Variants in OXSR1 observed in about 807,000 individuals in gnomAD.
The protein encoded by OXSR1 is oxidative stress responsive kinase 1, also known as serine/threonine-protein kinase OSR1.
A neutral mutation model predicts 79.8 loss-of-function variants in OXSR1; 24 were observed. The observed-to-expected ratio is 0.30, with a 90% confidence interval of 0.22 to 0.42. OXSR1 has a LOEUF of 0.42. OXSR1 is among the 10% of genes least tolerant of loss of function. OXSR1 has a pLI of 1.00. For missense variants in OXSR1, 430 were observed against 618.4 expected (o/e 0.70, Z 3.23); for synonymous variants, 226 against 209.2 (o/e 1.08, Z -0.69).
At chr3:38,210,276 C>G (rs982190698) in intron 4 of OXSR1, among the ~76,000 whole-genome samples, 7 of 152,216 alleles carry the variant, frequency 4.6e-5, no homozygotes, top group Non-Finnish European at 7.4e-5. Flanking sequence ...TCAGTTCCCC[C>G]CCAAGGTGAG....
chr3:38,222,654 T>C (rs371817267), intron 6 of OXSR1, among the ~76,000 whole-genome samples: 1 of 152,156 alleles, frequency 6.6e-6, no homozygotes, highest in African/African-American at 2.4e-5. Flanking sequence ...TTTATAACCA[T>C]GTAATGTGCT....
chr3:38,245,460 ATTGTCT>A lies in OXSR1; in HGVS notation c.1111-610_1111-605del, dbSNP rs1282936835. 3.9e-5 allele frequency among the ~76,000 whole-genome samples: 6 copies of A among 152,286 alleles called. No homozygotes were observed. In the South Asian group the frequency reaches 6.2e-4, roughly 16 times the overall value. ...AGATATGTTAAGGAATTATTGGTTG[ATTGTCT>A]TTGTAAGAAATACAAAGTCCTCATG... On this transcript the variant is annotated intron_variant, in intron 12 of 17. Coordinates refer to ENST00000311806, the MANE Select transcript of OXSR1 (RefSeq NM_005109.3).
At position 38,224,878 on chromosome 3, in the gene OXSR1, G is replaced by A. The variant is rs553837690; in HGVS notation, c.836+174G>A. On this transcript the variant is annotated intron_variant, in intron 8 of 17. Transcript: ENST00000311806. ...AAATGAATTGATTTCTGCCTTCTTT[G>A]TAGTATACAGTGTACCCTAAATAGT... 4.3e-5 allele frequency: 21 copies of A among 484,764 alleles called. No individual in the cohort carries two copies. In the East Asian group the frequency reaches 8.2e-4, roughly 19 times the overall value. The allele number at this position is 484,764 out of a possible 1,614,324, so 30.0% of individuals were successfully genotyped here. A position where few individuals can be genotyped will look rare whatever the true frequency, so the allele number is the denominator to read the frequency against.
chr3:38,174,504 C>T (rs778649694), intron 1 of OXSR1, among the ~76,000 whole-genome samples: 2 of 152,134 alleles, frequency 1.3e-5, no homozygotes, highest in Middle Eastern at 3.2e-3. Flanking sequence ...ATCGCTTGAA[C>T]CCGAGTGACA....
Position 38,216,426 on chromosome 3 carries a change from A to G in OXSR1, c.490+275A>G, listed in dbSNP as rs531387293. Among the ~76,000 whole-genome samples, 8 of 152,158 alleles carry G rather than the reference A, an allele frequency of 5.3e-5. No individual in the cohort carries two copies. In the East Asian group the frequency reaches 1.5e-3, roughly 29 times the overall value. On this transcript the variant is annotated intron_variant, in intron 5 of 17. Coordinates refer to ENST00000311806, the MANE Select transcript of OXSR1 (RefSeq NM_005109.3). ...TTAGGGTCTTCTGCTATGGGTTCTCATAGCATTCTGTACTTTCCTTTAAAG... is the reference window on the plus strand; with the variant it reads ...TTAGGGTCTTCTGCTATGGGTTCTCGTAGCATTCTGTACTTTCCTTTAAAG...
intron 1 of OXSR1, among the ~76,000 whole-genome samples, chr3:38,175,083 G>T (rs1332351396): frequency 2.6e-5 from 4 of 152,152 alleles, no homozygotes; most frequent in African/African-American, 9.7e-5. Flanking sequence ...GTTTTGTGTG[G>T]TTCAGGTGAC....
chr3:38,216,281 A>G, intron 5 of OXSR1, 130 bp downstream of exon 5: 2 of 602,480 alleles, frequency 3.3e-6, no homozygotes, highest in East Asian at 5.9e-5. Context: ...CTCTGTTGGC[A>G]TGTCATAGGA....
chr3:38,230,877 T>TTA (rs1702791453), intron 10 of OXSR1, among the ~76,000 whole-genome samples: 1 of 152,218 alleles, frequency 6.6e-6, no homozygotes, highest in South Asian at 2.1e-4. Flanking sequence ...CTTTAATATC[T>TTA]CAGTTTGGGC....
intron 2 of OXSR1, among the ~76,000 whole-genome samples, chr3:38,184,077 A>T (rs1701835225): frequency 1.3e-5 from 2 of 152,224 alleles, no homozygotes; most frequent in South Asian, 4.1e-4. Flanking sequence ...AGCTAGTGCT[A>T]GAAAGGTCGG....
chr3:38,221,781 T>A, intron 6 of OXSR1, 94 bp downstream of exon 6: 1 of 693,280 alleles, frequency 1.4e-6, no homozygotes. Context: ...GCATACCAGG[T>A]TAGCTTTGGG....
At chr3:38,216,262 T>C in intron 5 of OXSR1, 111 bp downstream of exon 5, 1 of 669,120 alleles carries the variant, frequency 1.5e-6, no homozygotes. Context: ...CCATCTCTAT[T>C]CAAGCATCCT....
chr3:38,166,034 G>C (rs1030737902), intron 1 of OXSR1, 88 bp downstream of exon 1: 1 of 1,220,792 alleles, frequency 8.2e-7, no homozygotes, highest in Non-Finnish European at 1.2e-6. Flanking sequence ...CTCGGGGAGC[G>C]CAGCCCTCAT....
intron 5 of OXSR1, among the ~76,000 whole-genome samples, chr3:38,217,856 T>G (rs1178193801): frequency 1.3e-5 from 2 of 152,220 alleles, no homozygotes; most frequent in African/African-American, 4.8e-5. Flanking sequence ...AGTACCTAAG[T>G]GAACTCATAC....
intron 2 of OXSR1, among the ~76,000 whole-genome samples, chr3:38,188,979 G>A (rs911301631): frequency 2.0e-5 from 3 of 152,170 alleles, no homozygotes; most frequent in South Asian, 2.1e-4. Context: ...CTGGCACGTA[G>A]TAGGGATTAT....
chr3:38,185,469 C>G (rs1165121492), intron 2 of OXSR1, among the ~76,000 whole-genome samples: 1 of 152,118 alleles, frequency 6.6e-6, no homozygotes, highest in Admixed American at 6.5e-5. Flanking sequence ...GCCTGTAATT[C>G]CAGTTACTCA....
intron 12 of OXSR1, 24 bp from the exon 13 acceptor site, chr3:38,246,051 A>G (rs755368605): frequency 6.2e-7 from 1 of 1,612,432 alleles, no homozygotes; most frequent in South Asian, 1.1e-5. Context: ...AACTTAAGCA[A>G]CACTGTGTGT....
intron 2 of OXSR1, among the ~76,000 whole-genome samples, chr3:38,184,954 G>GTTTTTTTTTTTTTTTTTTT: frequency 1.0e-5 from 1 of 96,226 alleles, no homozygotes; most frequent in Non-Finnish European, 2.0e-5. Context: ...TTTTTTTTGG[G>GTTTTTTTTTTTTTTTTTTT]TTTCTTTGAG....
At chr3:38,229,820 G>T in intron 9 of OXSR1, 85 bp downstream of exon 9, 1 of 1,019,236 alleles carries the variant, frequency 9.8e-7, no homozygotes. Flanking sequence ...GAAGTTGGAT[G>T]ATTATGTTTG....
intron 6 of OXSR1, among the ~76,000 whole-genome samples, chr3:38,222,136 A>G (rs1702601590): frequency 1.3e-5 from 2 of 152,170 alleles, no homozygotes; most frequent in South Asian, 4.1e-4. Flanking sequence ...CCTGTTGGTG[A>G]GGGAAGGATT....
Sources: gnomAD v4.1 joint callset for allele counts (sites outside exome capture counted in the v4.1 genomes callset) on GRCh38, gnomAD v4.1.1 for gene constraint, MANE v1.5 for transcripts, NCBI Gene and HGNC (gene_info 2026-07-23, HGNC 2026-07-21) for gene names.